MACROD1: variants seen among roughly 807,000 people sequenced by gnomAD.
MACROD1 encodes the protein mono-ADP ribosylhydrolase 1, also known as ADP-ribose glycohydrolase MACROD1.
In MACROD1, 31 loss-of-function variants were observed where a neutral mutation model predicts 41.4. The observed-to-expected ratio is 0.75, with a 90% CI of 0.56 to 1.01. The LOEUF is 1.01. Among genes scored for constraint, MACROD1 ranks in the 50% least tolerant of loss-of-function variants. The probability of loss-of-function intolerance (pLI) is 0.00; values close to 1 mark genes in which losing one functional copy is unlikely to be tolerated. For synonymous variants in MACROD1, 252 were observed against 203.4 expected (o/e 1.24, Z -2.03); for missense variants, 473 against 460.0 (o/e 1.03, Z -0.26).
At position 64,109,608 on chromosome 11, in the gene MACROD1, G is replaced by A. The variant is rs576183640; in HGVS notation, c.517+41631C>T. Among the ~76,000 whole-genome samples the A allele has an allele frequency of 8.5e-5, 13 of 152,266 alleles. No individual in the cohort carries two copies. In the East Asian group the frequency reaches 1.2e-3, roughly 14 times the overall value. Reference sequence around the variant, plus strand: ...TCTGGCCACTGGATGACCTGGTGACGAAGGCCCATTTAAAACCCTCTTACC... The same window carrying A: ...TCTGGCCACTGGATGACCTGGTGACAAAGGCCCATTTAAAACCCTCTTACC... On this transcript the variant is annotated intron_variant, in intron 3 of 10. Coordinates refer to ENST00000255681, the MANE Select transcript of MACROD1 (RefSeq NM_014067.4).
chr11:64,093,255 A>G (rs1387399785), intron 3 of MACROD1, among the ~76,000 whole-genome samples: 2 of 152,198 alleles, frequency 1.3e-5, no homozygotes, highest in Non-Finnish European at 2.9e-5. Flanking sequence ...TATCCACATC[A>G]ACATCTCAGC....
chr11:64,144,485 T>C (rs553508831), intron 3 of MACROD1, among the ~76,000 whole-genome samples: 15 of 152,310 alleles, frequency 9.8e-5, no homozygotes, highest in Admixed American at 2.0e-4. Flanking sequence ...TGGGGCTTGT[T>C]ATCTGATCCC....
intron 3 of MACROD1, chr11:64,103,940 C>G (rs1944713820): frequency 6.6e-6 from 1 of 152,358 alleles, no homozygotes; most frequent in African/African-American, 2.4e-5. Flanking sequence ...GCCAGGAGAC[C>G]AGGATACCGA....
Position 64,165,835 on chromosome 11 carries a change from G to T in MACROD1, c.160C>A (p.Arg54Ser). 2 of 1,476,408 alleles carry T rather than the reference G, an allele frequency of 1.4e-6. No individual in the cohort carries two copies. Among genetic ancestry groups the T allele is most frequent in the Admixed American group, 2.6e-5 (1 of 39,006 alleles). 91.5% of individuals were successfully genotyped at this position (1,476,408 alleles called of 1,614,324 possible). A position where few individuals can be genotyped will look rare whatever the true frequency, so the allele number is the denominator to read the frequency against. ...PPAFLGVFGR[R>S]ARTSAGVGAW... ...CCAACTCCCGCCGAGGTCCGCGCAC[G>T]GCGGCCGAACACGCCCAGGAACGCC... Residue 54 changes from arginine (R) to serine (S), a missense_variant, in exon 1 of 11, where the codon CGT (arginine) becomes AGT (serine). Coordinates refer to ENST00000255681, the MANE Select transcript of MACROD1 (RefSeq NM_014067.4).
At chr11:64,148,983 C>T (rs1462592197) in intron 3 of MACROD1, 11 of 985,268 alleles carry the variant, frequency 1.1e-5, no homozygotes, top group Admixed American at 6.2e-5. Context: ...ACCCTGCCTC[C>T]GTCATTCCCT....
At chr11:64,008,719 AG>A (rs1464005311) in intron 4 of MACROD1, among the ~76,000 whole-genome samples, 8 of 152,176 alleles carry the variant, frequency 5.3e-5, no homozygotes, top group Admixed American at 5.2e-4. Flanking sequence ...GCATGGGGGC[AG>A]GGGCAGCTGC....
chr11:64,003,846 C>T (rs1942865941), intron 4 of MACROD1, among the ~76,000 whole-genome samples: 1 of 152,188 alleles, frequency 6.6e-6, no homozygotes, highest in East Asian at 1.9e-4. Flanking sequence ...CACATCAGCA[C>T]GTCCCCTTCC....
chr11:64,064,560 T>C lies in MACROD1; in HGVS notation c.518-49279A>G, dbSNP rs1012732076. Among the ~76,000 whole-genome samples the C allele has an allele frequency of 2.0e-5, 3 of 152,042 alleles. No homozygotes were observed. Among genetic ancestry groups the C allele is most frequent in the Non-Finnish European group, 4.4e-5 (3 of 67,968 alleles). On this transcript the variant is annotated intron_variant, in intron 3 of 10. Transcript: ENST00000255681. The surrounding 1 kb of genome is among the most constrained non-coding windows in gnomAD (Gnocchi z 4.5). ...GCATGGTCCTTGCCTGAGTCCTGCC[T>C]GCTGGCTGACACGGAGCTGGCTTTC...
At chr11:64,057,334 G>A (rs1370707730) in intron 3 of MACROD1, among the ~76,000 whole-genome samples, 1 of 152,218 alleles carries the variant, frequency 6.6e-6, no homozygotes, top group Non-Finnish European at 1.5e-5. Context: ...CATCCACCCT[G>A]TATGTGCACA....
chr11:64,074,504 A>G (rs1944166527), intron 3 of MACROD1, among the ~76,000 whole-genome samples: 1 of 152,204 alleles, frequency 6.6e-6, no homozygotes, highest in Non-Finnish European at 1.5e-5. Flanking sequence ...GAGCTCAGAG[A>G]GGTTCAGTTT....
At chr11:64,143,603 C>T (rs1478995220) in intron 3 of MACROD1, among the ~76,000 whole-genome samples, 2 of 152,038 alleles carry the variant, frequency 1.3e-5, no homozygotes, top group African/African-American at 4.8e-5. Flanking sequence ...TACAACGACC[C>T]CTCCCCGCTG....
At chr11:64,145,051 C>G (rs1183769222) in intron 3 of MACROD1, among the ~76,000 whole-genome samples, 1 of 152,188 alleles carries the variant, frequency 6.6e-6, no homozygotes, top group Admixed American at 6.5e-5. Flanking sequence ...CTGGGCCCTC[C>G]AGGCGGCAGG....
At chr11:64,008,445 T>C (rs532423687) in intron 4 of MACROD1, among the ~76,000 whole-genome samples, 7 of 52,710 alleles carry the variant, frequency 1.3e-4, no homozygotes, top group African/African-American at 2.2e-4. Flanking sequence ...GGGAGTGTTG[T>C]CCACCTGGCA....
At chr11:64,121,746 A>T (rs1318204311) in intron 3 of MACROD1, among the ~76,000 whole-genome samples, 4 of 152,204 alleles carry the variant, frequency 2.6e-5, no homozygotes, top group Non-Finnish European at 5.9e-5. Context: ...TTCCAAGGGA[A>T]CGTCCGCGGC....
At chr11:64,152,260 G>A (rs1418116318) in intron 2 of MACROD1, 32 bp downstream of exon 2, 1 of 1,597,144 alleles carries the variant, frequency 6.3e-7, no homozygotes, top group African/African-American at 1.3e-5. Flanking sequence ...TCTGGAGCCT[G>A]CCCACCAGGG....
At chr11:64,106,493 G>A (rs1224982564) in intron 3 of MACROD1, among the ~76,000 whole-genome samples, 1 of 152,224 alleles carries the variant, frequency 6.6e-6, no homozygotes, top group Non-Finnish European at 1.5e-5. Flanking sequence ...TCTAAGGGGA[G>A]GAGACAATCC....
At chr11:64,059,593 G>A (rs1233574451) in intron 3 of MACROD1, among the ~76,000 whole-genome samples, 1 of 152,174 alleles carries the variant, frequency 6.6e-6, no homozygotes, top group Admixed American at 6.5e-5. Context: ...GAAGGTGTGT[G>A]TGCCTCCGCA....
chr11:64,062,925 C>T (rs1017782522), intron 3 of MACROD1, among the ~76,000 whole-genome samples: 3 of 152,242 alleles, frequency 2.0e-5, no homozygotes, highest in African/African-American at 7.2e-5. Context: ...TCCCCACAAA[C>T]ACCTGAGCCA....
chr11:64,006,633 G>A (rs537930469), intron 4 of MACROD1, among the ~76,000 whole-genome samples: 5 of 152,326 alleles, frequency 3.3e-5, no homozygotes, highest in South Asian at 4.1e-4. Flanking sequence ...GCTGCATGCC[G>A]GGGCTTGGTG....
Sources: gnomAD v4.1 joint callset for allele counts (sites outside exome capture counted in the v4.1 genomes callset) on GRCh38, gnomAD v4.1.1 for gene constraint, Gnocchi (gnomAD v3.1) non-coding constraint, MANE v1.5 for transcripts, NCBI Gene and HGNC (gene_info 2026-07-23, HGNC 2026-07-21) for gene names.